CSE1L: variants seen among roughly 807,000 people sequenced by gnomAD.
CSE1L encodes the protein exportin-2.
In CSE1L, 24 loss-of-function variants were observed where a neutral mutation model predicts 120.4. The ratio of observed to expected loss-of-function variants is 0.20; its 90% CI spans 0.14 to 0.28. CSE1L has a LOEUF of 0.28. Ranked by LOEUF, CSE1L falls within the 10% of genes least tolerant of loss-of-function variation. CSE1L has a pLI of 1.00. For missense variants in CSE1L, 830 were observed against 1,145.2 expected (o/e 0.72, Z 3.97); for synonymous variants, 402 against 398.3 (o/e 1.01, Z -0.11).
At chr20:49,047,570 T>TTTTC (rs1568757304) in intron 1 of CSE1L, among the ~76,000 whole-genome samples, 3 of 48,772 alleles carry the variant, frequency 6.2e-5, no homozygotes, top group Non-Finnish European at 1.3e-4. Flanking sequence ...TTTTCTTTTT[T>TTTTC]TTTTTTTTTT....
At chr20:49,081,103 C>T (rs1427458800) in intron 14 of CSE1L, among the ~76,000 whole-genome samples, 1 of 151,300 alleles carries the variant, frequency 6.6e-6, no homozygotes, top group Non-Finnish European at 1.5e-5. Context: ...CTTGCCTCAG[C>T]CTCCTGAGTA....
At chr20:49,050,597 G>T (rs1224611193) in intron 1 of CSE1L, among the ~76,000 whole-genome samples, 1 of 150,626 alleles carries the variant, frequency 6.6e-6, no homozygotes, top group East Asian at 1.9e-4. Context: ...TTTTAGTAGA[G>T]ACGGGGTTTC....
chr20:49,057,054 G>A (rs1016516818), intron 1 of CSE1L, among the ~76,000 whole-genome samples: 5 of 152,102 alleles, frequency 3.3e-5, no homozygotes, highest in East Asian at 1.9e-4. Context: ...GGCTGGGCAC[G>A]GTGGCTCACG....
At chr20:49,058,358 C>G (rs915689026) in intron 1 of CSE1L, 95 bp from the exon 2 acceptor site, 5 of 820,424 alleles carry the variant, frequency 6.1e-6, no homozygotes, top group South Asian at 2.0e-5. Context: ...GGATGACTTT[C>G]AGAGAGAATA....
chr20:49,063,389 A>C, intron 3 of CSE1L, 45 bp downstream of exon 3: 14 of 1,278,410 alleles, frequency 1.1e-5, no homozygotes, highest in Non-Finnish European at 1.5e-5. Context: ...GTATGTTTAT[A>C]AGGTTTATAT....
chr20:49,090,991 T>G lies in CSE1L; in HGVS notation c.2334T>G (p.Leu778=). 1 of 1,610,442 alleles carries G rather than the reference T, an allele frequency of 6.2e-7. No homozygotes were observed. The highest frequency in any genetic ancestry group is 8.5e-7 in the Non-Finnish European group (1 of 1,177,158). Residue 778 remains leucine, a synonymous_variant, in exon 21 of 25, where the codon CTT becomes CTG. Coordinates refer to ENST00000262982, the MANE Select transcript of CSE1L (RefSeq NM_001316.4). ...KQIFILLFQR[L]QNSKTTKFIK... is the part of the protein sequence containing the mutation. ...TCTTCATTCTGCTATTCCAGAGACTTCAGAATTCCAAAACAACCAAGTTTA... is the reference window on the plus strand; with the variant it reads ...TCTTCATTCTGCTATTCCAGAGACTGCAGAATTCCAAAACAACCAAGTTTA...
intron 16 of CSE1L, among the ~76,000 whole-genome samples, chr20:49,085,949 T>C (rs1177434484): frequency 6.6e-6 from 1 of 152,160 alleles, no homozygotes; most frequent in African/African-American, 2.4e-5. Flanking sequence ...TGAGTTTCTT[T>C]AAGGCAAAGA....
chr20:49,046,565 G>C (rs1251346408), intron 1 of CSE1L, 142 bp downstream of exon 1: 1 of 152,488 alleles, frequency 6.6e-6, no homozygotes, highest in African/African-American at 2.4e-5. Context: ...CCCGGGGTTC[G>C]GGTGGTGCGC....
intron 2 of CSE1L, among the ~76,000 whole-genome samples, chr20:49,062,953 G>A (rs2091863186): frequency 6.6e-6 from 1 of 151,942 alleles, no homozygotes; most frequent in Admixed American, 6.6e-5. Context: ...CATCCAATTA[G>A]GCCACTGTAT....
intron 16 of CSE1L, among the ~76,000 whole-genome samples, chr20:49,086,359 CTTTTTTTTTTT>C (rs10648977): frequency 1.3e-5 from 1 of 77,644 alleles, no homozygotes; most frequent in East Asian, 3.4e-4. Context: ...GTTTAATGTC[CTTTTTTTTTTT>C]TTTTTTTTTT....
At chr20:49,059,738 G>T (rs577323786) in intron 2 of CSE1L, among the ~76,000 whole-genome samples, 39 of 152,030 alleles carry the variant, frequency 2.6e-4, no homozygotes, top group Non-Finnish European at 5.0e-4. Context: ...AACTTAGCTG[G>T]GTGTGGTGGC....
intron 14 of CSE1L, among the ~76,000 whole-genome samples, chr20:49,080,317 C>T (rs536833883): frequency 1.3e-5 from 2 of 149,960 alleles, no homozygotes; most frequent in Admixed American, 1.3e-4. Flanking sequence ...GGGTTCACGC[C>T]ATTCTCCTGC....
intron 15 of CSE1L, 123 bp from the exon 16 acceptor site, chr20:49,085,159 AT>A (rs1270053924): frequency 1.4e-6 from 1 of 707,362 alleles, no homozygotes; most frequent in Non-Finnish European, 2.5e-6. Context: ...CTGTCTATCA[AT>A]TGTCAGTGGT....
chr20:49,051,502 C>T (rs565503826), intron 1 of CSE1L, among the ~76,000 whole-genome samples: 1 of 152,294 alleles, frequency 6.6e-6, no homozygotes, highest in African/African-American at 2.4e-5. Context: ...GAGATCACGC[C>T]ACTGCACTCC....
At chr20:49,083,960 C>T (rs1414288395) in intron 14 of CSE1L, 66 bp from the exon 15 acceptor site, 6 of 1,486,126 alleles carry the variant, frequency 4.0e-6, no homozygotes, top group Non-Finnish European at 2.8e-6. Context: ...TCCTTCTCTT[C>T]CAATTGTCTT....
Position 49,068,873 on chromosome 20 carries a change from A to G in CSE1L, c.675+51A>G, listed in dbSNP as rs756850317. On this transcript the variant is annotated intron_variant, in intron 7 of 24. Coordinates refer to ENST00000262982, the MANE Select transcript of CSE1L (RefSeq NM_001316.4). ...TGGTTCTTACTCTTTGATTTTAAAT[A>G]GAGTTTTCTTTCTGTTTGATAAAGA... The G allele has an allele frequency of 2.1e-5, 27 of 1,273,134 alleles. No homozygotes were observed. The Admixed American group carries it at 2.5e-4, about 12-fold the overall frequency. The allele number at this position is 1,273,134 out of a possible 1,614,324, so 78.9% of individuals were successfully genotyped here.
chr20:49,091,910 AT>A, intron 21 of CSE1L, 135 bp from the exon 22 acceptor site: 1 of 620,696 alleles, frequency 1.6e-6, no homozygotes, highest in Non-Finnish European at 2.9e-6. Context: ...CAAGTTTTCT[AT>A]TTACTAGAAG....
chr20:49,054,401 A>G (rs2091790794), intron 1 of CSE1L, among the ~76,000 whole-genome samples: 1 of 152,168 alleles, frequency 6.6e-6, no homozygotes, highest in South Asian at 2.1e-4. Context: ...CTCTTTTCAC[A>G]TCAGCCTTTC....
chr20:49,067,263 T>G lies in CSE1L; in HGVS notation c.550T>G (p.Leu184Val). The change falls in exon 6 of 25, where the codon TTG becomes GTG. Residue 184 changes from leucine to valine, a missense_variant. This residue lies in a region of CSE1L where 543 missense variants were observed against 640.2 expected (regional missense o/e 0.85). Coordinates refer to ENST00000262982, the MANE Select transcript of CSE1L (RefSeq NM_001316.4). ...KLVLDAFALP[L>V]TNLFKATIEL... ...TGTTCTGGATGCCTTTGCTTTGCCT[T>G]TGACTAATCTTTTTAAGGTATGGAA... 6.2e-7 allele frequency: 1 copy of G among 1,606,876 alleles called. No individual in the cohort carries two copies. The highest frequency in any genetic ancestry group is 8.5e-7 in the Non-Finnish European group (1 of 1,174,698).
Sources: allele counts gnomAD v4.1 joint callset (sites outside exome capture counted in the v4.1 genomes callset), GRCh38; gene constraint gnomAD v4.1.1; regional missense constraint gnomAD v4.1.1; transcripts MANE v1.5; gene names NCBI Gene and HGNC (gene_info 2026-07-23, HGNC 2026-07-21).